Variants in ADAM29 observed in about 807,000 individuals in gnomAD.
ADAM29 encodes the protein disintegrin and metalloproteinase domain-containing protein 29.
For synonymous variants in ADAM29, 367 were observed against 342.3 expected, an observed-to-expected ratio of 1.07 and a Z score of -0.80; for missense variants, 969 against 1,001.8, an observed-to-expected ratio of 0.97 and a Z score of 0.44.
At position 174,978,097 on chromosome 4, in the gene ADAM29, A is replaced by G. The variant is rs1442667432; in HGVS notation, c.*109A>G. 44 of 1,519,352 alleles carry G rather than the reference A, an allele frequency of 2.9e-5. No individual in the cohort carries two copies. Among genetic ancestry groups the G allele is most frequent in the Non-Finnish European group, 3.8e-5 (43 of 1,124,724 alleles). The allele number at this position is 1,519,352 out of a possible 1,614,324, so 94.1% of individuals were successfully genotyped here. A position where few individuals can be genotyped will look rare whatever the true frequency, so the allele number is the denominator to read the frequency against. ...TCAACCTCATGTGACACCTTACCGG[A>G]GTAAAAGTGGTAAACAAAAGCAATC... On this transcript the variant is annotated 3_prime_UTR_variant, in exon 5 of 5. Transcript: ENST00000359240.
intron 4 of ADAM29, among the ~76,000 whole-genome samples, chr4:174,953,216 G>A (rs6813162): frequency 0.41 from 62,717 of 151,714 alleles, 13,394 homozygotes; most frequent in African/African-American, 0.52. Context: ...AACCCAGGAG[G>A]CGGAGCTTGC....
chr4:174,954,970 T>C (rs940656385), intron 4 of ADAM29, among the ~76,000 whole-genome samples: 1 of 152,162 alleles, frequency 6.6e-6, no homozygotes, highest in Non-Finnish European at 1.5e-5. Context: ...TAGAGATGCA[T>C]TTTCTATTTC....
At chr4:174,958,518 C>T (rs924319447) in intron 4 of ADAM29, among the ~76,000 whole-genome samples, 7 of 151,634 alleles carry the variant, frequency 4.6e-5, no homozygotes, top group Admixed American at 2.0e-4. Flanking sequence ...TTTAATTTGT[C>T]ATAATCTTCA....
chr4:174,923,733 AAAG>A (rs1211015634), intron 2 of ADAM29: 1 of 152,042 alleles, frequency 6.6e-6, no homozygotes, highest in East Asian at 1.9e-4. Context: ...AAGAAAGGGA[AAAG>A]AAGAACCATT....
intron 4 of ADAM29, among the ~76,000 whole-genome samples, chr4:174,965,484 C>CATCT (rs60063978): frequency 0.33 from 48,184 of 146,994 alleles, 7,922 homozygotes; most frequent in African/African-American, 0.38. Context: ...CTCTATCTAT[C>CATCT]ATCTATCTAT....
chr4:174,925,256 C>T (rs142807442), intron 2 of ADAM29, among the ~76,000 whole-genome samples: 56 of 152,136 alleles, frequency 3.7e-4, no homozygotes, highest in African/African-American at 1.3e-3. Context: ...GATTTAATAA[C>T]GAGGTGTTAA....
Position 174,978,098 on chromosome 4 carries a change from G to A in ADAM29, c.*110G>A, listed in dbSNP as rs1747022493. The A allele has an allele frequency of 2.0e-6, 3 of 1,511,460 alleles. No individual in the cohort carries two copies. Among genetic ancestry groups the A allele is most frequent in the South Asian group, 2.6e-5 (2 of 77,878 alleles). The allele number at this position is 1,511,460 out of a possible 1,614,324, so 93.6% of individuals were successfully genotyped here. A position where few individuals can be genotyped will look rare whatever the true frequency, so the allele number is the denominator to read the frequency against. ...CAACCTCATGTGACACCTTACCGGA[G>A]TAAAAGTGGTAAACAAAAGCAATCA... On this transcript the variant is annotated 3_prime_UTR_variant, in exon 5 of 5. Coordinates refer to ENST00000359240, the MANE Select transcript of ADAM29 (RefSeq NM_014269.4).
intron 4 of ADAM29, 51 bp from the exon 5 acceptor site, chr4:174,975,295 A>C: frequency 2.6e-6 from 1 of 385,432 alleles, no homozygotes; most frequent in Non-Finnish European, 4.6e-6. Flanking sequence ...TTCTCTTATA[A>C]GAAGAATTTC....
chr4:174,923,038 A>G (rs1348566759), intron 2 of ADAM29, among the ~76,000 whole-genome samples: 1 of 150,318 alleles, frequency 6.7e-6, no homozygotes, highest in Non-Finnish European at 1.5e-5. Flanking sequence ...TAAAACATAC[A>G]AATTATTAGC....
chr4:174,941,952 C>T (rs950921902), intron 4 of ADAM29, among the ~76,000 whole-genome samples: 2 of 152,000 alleles, frequency 1.3e-5, no homozygotes, highest in African/African-American at 4.8e-5. Context: ...TTTTCCATTC[C>T]AAAAGGGAAA....
At chr4:174,941,826 AG>A (rs1255603826) in intron 4 of ADAM29, among the ~76,000 whole-genome samples, 1 of 152,134 alleles carries the variant, frequency 6.6e-6, no homozygotes, top group Non-Finnish European at 1.5e-5. Flanking sequence ...GTAACTCAAA[AG>A]TCCAAGTTCA....
intron 4 of ADAM29, among the ~76,000 whole-genome samples, chr4:174,948,710 G>A (rs536690111): frequency 4.5e-4 from 69 of 152,292 alleles, no homozygotes; most frequent in African/African-American, 1.6e-3. Context: ...GGCATCTAGA[G>A]GGGGTAGGGT....
At chr4:174,942,437 C>G (rs1417234408) in intron 4 of ADAM29, among the ~76,000 whole-genome samples, 1 of 152,166 alleles carries the variant, frequency 6.6e-6, no homozygotes, top group African/African-American at 2.4e-5. Flanking sequence ...TAGAGGCTCC[C>G]AAAGTTCAAC....
intron 4 of ADAM29, among the ~76,000 whole-genome samples, chr4:174,962,282 C>T (rs894889873): frequency 3.9e-5 from 6 of 151,950 alleles, no homozygotes; most frequent in Admixed American, 2.6e-4. Flanking sequence ...GAGGCCGGGG[C>T]GGGCAGATCA....
chr4:174,921,566 G>C (rs1355833495), intron 2 of ADAM29, among the ~76,000 whole-genome samples: 2 of 152,242 alleles, frequency 1.3e-5, no homozygotes, highest in East Asian at 3.9e-4. Context: ...TATCCAAAAA[G>C]TGAACAGGAA....
intron 4 of ADAM29, among the ~76,000 whole-genome samples, chr4:174,948,992 C>T (rs1560875592): frequency 6.6e-6 from 1 of 152,006 alleles, no homozygotes; most frequent in Non-Finnish European, 1.5e-5. Context: ...GAGTCTTCAG[C>T]GAGGGGAAAC....
At chr4:174,966,793 T>C (rs1746184218) in intron 4 of ADAM29, among the ~76,000 whole-genome samples, 1 of 152,180 alleles carries the variant, frequency 6.6e-6, no homozygotes, top group African/African-American at 2.4e-5. Context: ...GATCTCTGAA[T>C]TGCCTTTGGG....
At chr4:174,968,151 ATT>A (rs1746256852) in intron 4 of ADAM29, among the ~76,000 whole-genome samples, 2 of 152,242 alleles carry the variant, frequency 1.3e-5, no homozygotes, top group African/African-American at 4.8e-5. Flanking sequence ...CTAGATCTGA[ATT>A]TTGTTTAGCT....
At chr4:174,941,712 C>T (rs530712799) in intron 4 of ADAM29, among the ~76,000 whole-genome samples, 4 of 152,234 alleles carry the variant, frequency 2.6e-5, no homozygotes, top group South Asian at 2.1e-4. Flanking sequence ...AGAGCCAAAC[C>T]ATATCACTCT....
Sources: allele counts gnomAD v4.1 joint callset (sites outside exome capture counted in the v4.1 genomes callset), GRCh38; gene constraint gnomAD v4.1.1; transcripts MANE v1.5; gene names NCBI Gene and HGNC (gene_info 2026-07-23, HGNC 2026-07-21).